XRRA1: variants seen among roughly 807,000 people sequenced by gnomAD.
XRRA1 encodes X-ray radiation resistance associated 1, also known as X-ray radiation resistance-associated protein 1.
A neutral mutation model predicts 80.2 loss-of-function variants in XRRA1; 69 were observed. That is an observed-to-expected ratio of 0.86 (90% CI 0.71 to 1.05). The LOEUF is 1.05. Among genes scored for constraint, XRRA1 ranks in the 50% least tolerant of loss-of-function variants. XRRA1 has a pLI of 0.00. For synonymous variants in XRRA1, 348 were observed against 389.9 expected, an observed-to-expected ratio of 0.89 and a Z score of 1.27; for missense variants, 967 against 976.4, an observed-to-expected ratio of 0.99 and a Z score of 0.13.
intron 10 of XRRA1, among the ~76,000 whole-genome samples, chr11:74,893,325 A>G (rs1047375677): frequency 6.9e-6 from 1 of 144,912 alleles, no homozygotes; most frequent in Non-Finnish European, 1.5e-5. Flanking sequence ...CAAACACTGC[A>G]TGTTCTCACT....
intron 18 of XRRA1, 200 bp from the exon 19 acceptor site, chr11:74,843,653 G>T: frequency 1.2e-6 from 1 of 839,954 alleles, no homozygotes; most frequent in Non-Finnish European, 1.8e-6. Flanking sequence ...TTAAGCCCTG[G>T]TTCAGGACCT....
intron 10 of XRRA1, among the ~76,000 whole-genome samples, chr11:74,893,578 TAA>T (rs1482393361): frequency 6.8e-6 from 1 of 146,264 alleles, no homozygotes; most frequent in Non-Finnish European, 1.5e-5. Context: ...AATAAAAAAA[TAA>T]AGACTTCAAA....
At chr11:74,884,064 T>A (rs2048416189) in intron 10 of XRRA1, among the ~76,000 whole-genome samples, 1 of 152,032 alleles carries the variant, frequency 6.6e-6, no homozygotes, top group Non-Finnish European at 1.5e-5. Flanking sequence ...CTAGGTGTGT[T>A]GGGGCACACC....
chr11:74,842,847 A>T lies in XRRA1; in HGVS notation c.*353T>A. The stretch of plus-strand genomic sequence containing the variant: ...AAGATCCCCTTGGTGTCAGTTTCTC[A>T]TACAACAGAGAACAAATGTATCCCT... On this transcript the variant is annotated 3_prime_UTR_variant, in exon 19 of 19. Coordinates refer to ENST00000684022, the MANE Select transcript of XRRA1 (RefSeq NM_001378157.1). The T allele has an allele frequency of 3.9e-6, 1 of 256,168 alleles. No homozygotes were observed. The allele number at this position is 256,168 out of a possible 1,614,324, so 15.9% of individuals were successfully genotyped here.
chr11:74,947,468 G>A (rs147530692), intron 1 of XRRA1, among the ~76,000 whole-genome samples: 2,806 of 152,214 alleles, frequency 0.018, 87 homozygotes, highest in African/African-American at 0.064. Context: ...AACCCAGGAG[G>A]CAGAGGTTGC....
At chr11:74,914,531 G>A (rs1454617008) in intron 8 of XRRA1, among the ~76,000 whole-genome samples, 2 of 152,220 alleles carry the variant, frequency 1.3e-5, no homozygotes, top group Middle Eastern at 3.4e-3. Flanking sequence ...GGATTTCAAT[G>A]ATAGCCTGAG....
At chr11:74,947,796 C>T (rs1389901744) in intron 1 of XRRA1, among the ~76,000 whole-genome samples, 1 of 152,046 alleles carries the variant, frequency 6.6e-6, no homozygotes, top group Non-Finnish European at 1.5e-5. Flanking sequence ...CTGATCTCGG[C>T]TCACTGCAAC....
intron 10 of XRRA1, among the ~76,000 whole-genome samples, chr11:74,902,760 C>T (rs1249251305): frequency 6.6e-6 from 1 of 151,718 alleles, no homozygotes; most frequent in Non-Finnish European, 1.5e-5. Context: ...AGATGGTTAC[C>T]AGAGGCTGGG....
intron 10 of XRRA1, among the ~76,000 whole-genome samples, chr11:74,882,303 G>A (rs1190682204): frequency 1.3e-5 from 2 of 148,454 alleles, no homozygotes; most frequent in African/African-American, 5.0e-5. Context: ...TGATTGCATC[G>A]GCTCCTGAGG....
intron 7 of XRRA1, among the ~76,000 whole-genome samples, chr11:74,922,792 A>G (rs975124321): frequency 2.6e-5 from 4 of 152,216 alleles, no homozygotes; most frequent in Non-Finnish European, 1.5e-5. Flanking sequence ...TAGGCAAATT[A>G]CTTAATCTGG....
At position 74,848,354 on chromosome 11, in the gene XRRA1, GC is replaced by G. The variant is rs780269097; in HGVS notation, c.1488del (p.Glu496AspfsTer54). 5.0e-6 allele frequency: 8 copies of G among 1,613,918 alleles called. No homozygotes were observed. Among genetic ancestry groups the G allele is most frequent in the Non-Finnish European group, 6.8e-6 (8 of 1,179,854 alleles). On this transcript the variant is annotated frameshift_variant, in exon 15 of 19. Coordinates refer to ENST00000684022, the MANE Select transcript of XRRA1 (RefSeq NM_001378157.1). LOFTEE classifies it high-confidence loss of function. ...PSKDMLEPEA[E>X]LAEDLPTTKS... The stretch of plus-strand genomic sequence containing the variant: ...TTGGTAGTGGGCAGATCTTCAGCCA[GC>G]TCTGCCTCTGGCTCTAGCATATCCT...
chr11:74,908,360 A>G (rs1176349173), intron 8 of XRRA1, among the ~76,000 whole-genome samples: 1 of 152,150 alleles, frequency 6.6e-6, no homozygotes, highest in East Asian at 1.9e-4. Flanking sequence ...TGCCCTTTCC[A>G]CTGCCAAATC....
In XRRA1 at chr11:74,939,305, T is replaced by C. The variant is rs190362929; in HGVS notation, c.94+1480A>G. Among the ~76,000 whole-genome samples, 544 of 152,232 alleles carry C rather than the reference T, an allele frequency of 3.6e-3. 4 individuals carry two copies. The highest frequency in any genetic ancestry group is 0.012 in the African/African-American group (513 of 41,540). ...AGGTGAAGGTTGCAGTGAGCCAAGATTGCACTGCTGCACTCCAGTCTGGGC... is the reference window on the plus strand; with the variant it reads ...AGGTGAAGGTTGCAGTGAGCCAAGACTGCACTGCTGCACTCCAGTCTGGGC... On this transcript the variant is annotated intron_variant, in intron 3 of 18. Coordinates refer to ENST00000684022, the MANE Select transcript of XRRA1 (RefSeq NM_001378157.1).
intron 10 of XRRA1, among the ~76,000 whole-genome samples, chr11:74,890,618 G>A (rs1420987857): frequency 2.0e-5 from 3 of 152,036 alleles, no homozygotes; most frequent in African/African-American, 7.2e-5. Context: ...CCAGGAGCTG[G>A]TGTTTTGAAA....
In XRRA1 at chr11:74,848,460, C is replaced by A; in HGVS notation, c.1383G>T (p.Val461=). ...TCGGCACCTTTGGGATTTCGCTTTT[C>A]ACCTGTCATGGAGAAGGGCCAGAAT... The part of the protein sequence containing the change: ...VLMSRKESWK[V]KSEIPKVPKQ... The change falls in exon 15 of 19, where the codon GTG becomes GTT. Residue 461 remains valine (V), a splice_region_variant and synonymous_variant. Transcript: ENST00000684022. The A allele has an allele frequency of 6.2e-7, 1 of 1,604,484 alleles. No homozygotes were observed. Among genetic ancestry groups the A allele is most frequent in the South Asian group, 1.1e-5 (1 of 90,176 alleles).
intron 6 of XRRA1, among the ~76,000 whole-genome samples, chr11:74,927,963 TAG>T (rs903355900): frequency 1.2e-4 from 18 of 152,304 alleles, no homozygotes; most frequent in Admixed American, 3.9e-4. Flanking sequence ...TTAACAAAAA[TAG>T]AGTCATACTG....
At chr11:74,899,070 C>T (rs1445606304) in intron 10 of XRRA1, among the ~76,000 whole-genome samples, 1 of 151,938 alleles carries the variant, frequency 6.6e-6, no homozygotes, top group East Asian at 1.9e-4. Context: ...TCTTCTCTGA[C>T]CATAATGGAA....
At chr11:74,859,051 C>T (rs2041764322) in intron 12 of XRRA1, 107 bp downstream of exon 12, 1 of 1,389,526 alleles carries the variant, frequency 7.2e-7, no homozygotes, top group African/African-American at 1.5e-5. Flanking sequence ...GCCCATGTAC[C>T]TGTAATGCAG....
chr11:74,921,338 G>C lies in XRRA1; in HGVS notation c.532C>G (p.Leu178Val). The change falls in exon 8 of 19, where the codon CTT becomes GTT. Residue 178 changes from leucine to valine, a missense_variant. By Grantham distance (32) the Leu-to-Val change is conservative (BLOSUM62 1). Transcript: ENST00000684022. ...GDFKLLEFLD[L>V]SFNSLTVEAI... ...TCCACAGTCAGGCTGTTGAAGGAAA[G>C]GTCCAAGAACTGCCATGCAAAGATG... 6.2e-7 allele frequency: 1 copy of C among 1,613,914 alleles called. No homozygotes were observed. The highest frequency in any genetic ancestry group is 8.5e-7 in the Non-Finnish European group (1 of 1,179,846).
Sources: gnomAD v4.1 joint callset for allele counts (sites outside exome capture counted in the v4.1 genomes callset) on GRCh38, gnomAD v4.1.1 for gene constraint, MANE v1.5 for transcripts, NCBI Gene and HGNC (gene_info 2026-07-23, HGNC 2026-07-21) for gene names.